TNFRSF21: variants seen among roughly 807,000 people sequenced by gnomAD.
TNFRSF21 encodes the protein TNF receptor superfamily member 21, also known as tumor necrosis factor receptor superfamily member 21.
A neutral mutation model predicts 45.6 loss-of-function variants in TNFRSF21; 19 were observed. The observed-to-expected ratio is 0.42, with a 90% CI of 0.29 to 0.61. TNFRSF21 has a LOEUF of 0.61. Among genes scored for constraint, TNFRSF21 ranks in the 20% least tolerant of loss-of-function variants. The pLI is 0.23. For synonymous variants in TNFRSF21, 314 were observed against 335.5 expected, an observed-to-expected ratio of 0.94 and a Z score of 0.70; for missense variants, 737 against 851.5, an observed-to-expected ratio of 0.87 and a Z score of 1.67.
chr6:47,235,404 G>C (rs1764652502), intron 4 of TNFRSF21, among the ~76,000 whole-genome samples: 1 of 152,166 alleles, frequency 6.6e-6, no homozygotes, highest in South Asian at 2.1e-4. Context: ...ATAAAAAGAA[G>C]CGATGAGGAC....
Position 47,232,659 on chromosome 6 carries a change from A to ACG in TNFRSF21, c.*105_*106insCG. The ACG allele has an allele frequency of 1.1e-6, 1 of 870,414 alleles. No homozygotes were observed. The highest frequency in any genetic ancestry group is 1.8e-6 in the Non-Finnish European group (1 of 567,166). 53.9% of individuals were successfully genotyped at this position (870,414 alleles called of 1,614,324 possible). ...CACACACACACACACACACACACAC[A>ACG]AACACACACACACACCCCAAACAAC... is the stretch of plus-strand genomic sequence containing the variant. On this transcript the variant is annotated 3_prime_UTR_variant, in exon 6 of 6. Coordinates refer to ENST00000296861, the MANE Select transcript of TNFRSF21 (RefSeq NM_014452.5).
intron 1 of TNFRSF21, among the ~76,000 whole-genome samples, chr6:47,304,548 T>C (rs573844867): frequency 7.9e-5 from 12 of 152,270 alleles, no homozygotes; most frequent in Admixed American, 1.3e-4. Context: ...GACCCAATAA[T>C]AGCATACCTG....
Position 47,275,283 on chromosome 6 carries a change from A to T in TNFRSF21, c.1243+8655T>A, listed in dbSNP as rs187620183. On this transcript the variant is annotated intron_variant, in intron 3 of 5. Transcript: ENST00000296861. ...ATGTCCATCAATGATAGACTGGATTAAAAAAATGTGGCACATATACACCAT... is the reference window on the plus strand; with the variant it reads ...ATGTCCATCAATGATAGACTGGATTTAAAAAATGTGGCACATATACACCAT... Among the ~76,000 whole-genome samples the T allele has an allele frequency of 3.2e-3, 484 of 152,302 alleles. 7 individuals are homozygous for T. Among genetic ancestry groups the T allele is most frequent in the Non-Finnish European group, 1.4e-3 (98 of 68,022 alleles).
chr6:47,273,799 T>C (rs1253126268), intron 3 of TNFRSF21, among the ~76,000 whole-genome samples: 2 of 150,808 alleles, frequency 1.3e-5, no homozygotes, highest in African/African-American at 4.8e-5. Context: ...AAGCTGAGGA[T>C]ATAAAATCAA....
Position 47,232,206 on chromosome 6 carries a change from G to A in TNFRSF21, c.*559C>T, listed in dbSNP as rs1435014400. 6.6e-6 allele frequency: 1 copy of A among 152,630 alleles called. No homozygotes were observed. The highest frequency in any genetic ancestry group is 1.5e-5 in the Non-Finnish European group (1 of 68,246). The allele number at this position is 152,630 out of a possible 1,614,324, so 9.5% of individuals were successfully genotyped here. A position where few individuals can be genotyped will look rare whatever the true frequency, so the allele number is the denominator to read the frequency against. ...AATTGCATTACAGTAACTCAATGGG[G>A]TCTTAAATTTTCTTAATCTTTAAGA... On this transcript the variant is annotated 3_prime_UTR_variant, in exon 6 of 6. Transcript: ENST00000296861.
At chr6:47,303,444 G>A (rs1477399807) in intron 1 of TNFRSF21, among the ~76,000 whole-genome samples, 1 of 152,118 alleles carries the variant, frequency 6.6e-6, no homozygotes, top group Admixed American at 6.6e-5. Context: ...GTCTCTCTGA[G>A]CGCAACTTTC....
chr6:47,283,269 C>G (rs1487179822), intron 3 of TNFRSF21, among the ~76,000 whole-genome samples: 1 of 152,166 alleles, frequency 6.6e-6, no homozygotes, highest in Non-Finnish European at 1.5e-5. Context: ...AATATTCCAG[C>G]CTGTATTCAA....
intron 4 of TNFRSF21, among the ~76,000 whole-genome samples, chr6:47,242,916 C>G (rs1764768393): frequency 6.6e-6 from 1 of 152,162 alleles, no homozygotes; most frequent in Non-Finnish European, 1.5e-5. Flanking sequence ...AAATCTTTCC[C>G]ACAAAAAAGC....
chr6:47,283,856 A>T lies in TNFRSF21; in HGVS notation c.1243+82T>A. On this transcript the variant is annotated intron_variant, in intron 3 of 5. Coordinates refer to ENST00000296861, the MANE Select transcript of TNFRSF21 (RefSeq NM_014452.5). ...ACAAAGGAGATTCCACAAACTACGC[A>T]TTCCCATTCCTTCAGAAAACAGGGA... 3 of 1,526,484 alleles carry T rather than the reference A, an allele frequency of 2.0e-6. No individual in the cohort carries two copies. In the South Asian group the frequency reaches 3.9e-5, roughly 20 times the overall value. 94.6% of individuals were successfully genotyped at this position (1,526,484 alleles called of 1,614,324 possible).
At chr6:47,292,278 T>A (rs375120408) in intron 1 of TNFRSF21, among the ~76,000 whole-genome samples, 2 of 152,062 alleles carry the variant, frequency 1.3e-5, no homozygotes, top group Admixed American at 1.3e-4. Flanking sequence ...CTGGTCAAGA[T>A]CCTTAATTCC....
At chr6:47,266,584 G>T (rs1283685804) in intron 3 of TNFRSF21, among the ~76,000 whole-genome samples, 1 of 152,096 alleles carries the variant, frequency 6.6e-6, no homozygotes, top group African/African-American at 2.4e-5. Flanking sequence ...TTTCCCCAAA[G>T]AACAGTCTTT....
At position 47,232,864 on chromosome 6, in the gene TNFRSF21, G is replaced by T. The variant is rs1488530005; in HGVS notation, c.1869C>A (p.Asp623Glu). Residue 623 changes from aspartate to glutamate, a missense_variant, in exon 6 of 6, where the codon GAC becomes GAA. Asp to Glu is a conservative substitution (Grantham distance 45). Transcript: ENST00000296861. ...TAATTTCGAATAGCCGGTCTAGTTTGTCCTCAGCCTGGGGAATCTCTTCAA... is the reference window on the plus strand; with the variant it reads ...TAATTTCGAATAGCCGGTCTAGTTTTTCCTCAGCCTGGGGAATCTCTTCAA... The part of the protein sequence containing the change: ...RVIEEIPQAE[D>E]KLDRLFEIIG... The T allele has an allele frequency of 6.2e-7, 1 of 1,614,164 alleles. No homozygotes were observed. The highest frequency in any genetic ancestry group is 8.5e-7 in the Non-Finnish European group (1 of 1,180,034).
chr6:47,298,162 G>A (rs1762815601), intron 1 of TNFRSF21, among the ~76,000 whole-genome samples: 1 of 151,702 alleles, frequency 6.6e-6, no homozygotes, highest in Admixed American at 6.6e-5. Flanking sequence ...AGTCCCATGA[G>A]ATATTAATGA....
intron 3 of TNFRSF21, among the ~76,000 whole-genome samples, chr6:47,278,156 G>T (rs1207838104): frequency 1.3e-5 from 2 of 152,128 alleles, no homozygotes; most frequent in Non-Finnish European, 2.9e-5. Context: ...TATTATGGAA[G>T]CTTCCTTTAG....
chr6:47,274,217 C>T (rs1015357653), intron 3 of TNFRSF21, among the ~76,000 whole-genome samples: 19 of 152,178 alleles, frequency 1.2e-4, no homozygotes, highest in African/African-American at 2.4e-4. Flanking sequence ...GGAGGCATCA[C>T]GCTACCTGAC....
At chr6:47,279,372 T>C (rs7738244) in intron 3 of TNFRSF21, among the ~76,000 whole-genome samples, 5,125 of 152,230 alleles carry the variant, frequency 0.034, 291 homozygotes, top group African/African-American at 0.12. Context: ...AGCTACCCTG[T>C]TTTTCAATTG....
At chr6:47,252,075 A>C (rs768599651) in intron 4 of TNFRSF21, among the ~76,000 whole-genome samples, 13 of 152,212 alleles carry the variant, frequency 8.5e-5, no homozygotes, top group Non-Finnish European at 1.8e-4. Flanking sequence ...GATTACATCA[A>C]TTGTCAAGAA....
At chr6:47,291,342 G>T (rs1307760435) in intron 1 of TNFRSF21, among the ~76,000 whole-genome samples, 2 of 152,190 alleles carry the variant, frequency 1.3e-5, no homozygotes, top group Non-Finnish European at 2.9e-5. Flanking sequence ...AATTGCACCT[G>T]TGAATCAAAA....
chr6:47,291,382 G>A (rs1762726029), intron 1 of TNFRSF21, among the ~76,000 whole-genome samples: 1 of 152,178 alleles, frequency 6.6e-6, no homozygotes, highest in African/African-American at 2.4e-5. Flanking sequence ...GAGGGTGAAA[G>A]GGGTATGCGG....
Sources: gnomAD v4.1 joint callset for allele counts (sites outside exome capture counted in the v4.1 genomes callset) on GRCh38, gnomAD v4.1.1 for gene constraint, MANE v1.5 for transcripts, NCBI Gene and HGNC (gene_info 2026-07-23, HGNC 2026-07-21) for gene names.